The following TYR variants were observed in gnomAD, a reference collection of about 807,000 sequenced individuals.
The protein encoded by TYR is LB24-AB.
A neutral mutation model predicts 51.5 loss-of-function variants in TYR; 58 were observed. The observed-to-expected ratio is 1.13, with a 90% CI of 0.91 to 1.40. The LOEUF (loss-of-function observed/expected upper bound fraction) is 1.40. TYR is among the 40% of genes most tolerant of loss of function. TYR has a pLI of 0.00. For synonymous variants in TYR, 263 were observed against 235.2 expected (o/e 1.12, Z -1.08); for missense variants, 732 against 647.4 (o/e 1.13, Z -1.42).
At chr11:89,274,650 A>G (rs1415386973) in intron 3 of TYR, among the ~76,000 whole-genome samples, 6 of 151,986 alleles carry the variant, frequency 3.9e-5, no homozygotes, top group African/African-American at 1.4e-4. Flanking sequence ...ACAAAAATCA[A>G]TAACAGGAAT....
intron 4 of TYR, among the ~76,000 whole-genome samples, chr11:89,291,229 GTACC>G (rs1944849832): frequency 6.6e-6 from 1 of 151,842 alleles, no homozygotes; most frequent in South Asian, 2.1e-4. Flanking sequence ...TTCAGACACT[GTACC>G]AGATTCTAGA....
intron 3 of TYR, among the ~76,000 whole-genome samples, chr11:89,245,908 A>G (rs1397581980): frequency 2.8e-5 from 4 of 145,430 alleles, no homozygotes; most frequent in East Asian, 2.0e-4. Context: ...GCGACAGAGC[A>G]AGACTCCATC....
At chr11:89,200,992 A>T (rs1475577427) in intron 2 of TYR, among the ~76,000 whole-genome samples, 1 of 152,176 alleles carries the variant, frequency 6.6e-6, no homozygotes, top group Non-Finnish European at 1.5e-5. Flanking sequence ...TATTTTACCC[A>T]TTAGTGATTT....
intron 3 of TYR, among the ~76,000 whole-genome samples, chr11:89,236,492 A>G (rs1944115517): frequency 6.6e-6 from 1 of 152,162 alleles, no homozygotes; most frequent in Non-Finnish European, 1.5e-5. Flanking sequence ...ATAACTCAAA[A>G]ATATTAAGCA....
intron 3 of TYR, among the ~76,000 whole-genome samples, chr11:89,257,762 T>G (rs1352567157): frequency 2.6e-5 from 4 of 152,072 alleles, no homozygotes; most frequent in Non-Finnish European, 4.4e-5. Context: ...GCATTTCAGC[T>G]GGCCAACGCT....
At position 89,290,642 on chromosome 11, in the gene TYR, C is replaced by A. The variant is rs190504196; in HGVS notation, c.1367-4501C>A. On this transcript the variant is annotated intron_variant, in intron 4 of 4. Transcript: ENST00000263321. ...TATATAGTCCATGATGGCTCACCAA[C>A]AACCTGTCTGTATTCTAGCTAGTCA... Among the ~76,000 whole-genome samples, 88 of 152,070 alleles carry A rather than the reference C, an allele frequency of 5.8e-4. 1 individual carries two copies. Among genetic ancestry groups the A allele is most frequent in the African/African-American group, 2.0e-3 (85 of 41,534 alleles).
At chr11:89,226,092 G>C (rs367674939) in intron 2 of TYR, among the ~76,000 whole-genome samples, 2 of 152,144 alleles carry the variant, frequency 1.3e-5, no homozygotes, top group Admixed American at 6.6e-5. Context: ...AAGTGTGAGA[G>C]TTTTAAATTT....
Position 89,178,649 on chromosome 11 carries a change from T to C in TYR, c.696T>C (p.Thr232=), listed in dbSNP as rs1012308221. 6.2e-6 allele frequency: 10 copies of C among 1,613,164 alleles called. No individual in the cohort carries two copies. Among genetic ancestry groups the C allele is most frequent in the Non-Finnish European group, 8.5e-6 (10 of 1,179,358 alleles). Residue 232 remains threonine, a synonymous_variant, in exon 1 of 5, where the codon ACT becomes ACC. Coordinates refer to ENST00000263321, the MANE Select transcript of TYR (RefSeq NM_000372.5). ...IQKLTGDENF[T]IPYWDWRDAE... Reference sequence around the variant, plus strand: ...AGCTGACAGGAGATGAAAACTTCACTATTCCATATTGGGACTGGCGGGATG... The same window carrying C: ...AGCTGACAGGAGATGAAAACTTCACCATTCCATATTGGGACTGGCGGGATG...
intron 2 of TYR, among the ~76,000 whole-genome samples, chr11:89,204,465 C>G (rs1478967572): frequency 6.6e-6 from 1 of 151,808 alleles, no homozygotes; most frequent in Non-Finnish European, 1.5e-5. Flanking sequence ...GTGATCTCAG[C>G]CCACTGCAAC....
chr11:89,254,519 CAGGCTTTCTAATTCTTCCTGAT>C (rs1297192312), intron 3 of TYR, among the ~76,000 whole-genome samples: 3 of 151,676 alleles, frequency 2.0e-5, no homozygotes, highest in Admixed American at 2.0e-4. Context: ...TTGGTCTGTT[CAGGCTTTCTAATTCTTCCTGAT>C]TTAGTCTAGG....
intron 2 of TYR, among the ~76,000 whole-genome samples, chr11:89,203,279 A>G (rs1335370248): frequency 6.6e-6 from 1 of 152,048 alleles, no homozygotes; most frequent in Non-Finnish European, 1.5e-5. Flanking sequence ...AATTCATCTG[A>G]CTCCAAGGCT....
intron 2 of TYR, among the ~76,000 whole-genome samples, chr11:89,215,887 T>G (rs759407339): frequency 6.6e-6 from 1 of 152,190 alleles, no homozygotes; most frequent in Non-Finnish European, 1.5e-5. Context: ...AGATAATATT[T>G]CTGTTCTATC....
intron 2 of TYR, among the ~76,000 whole-genome samples, chr11:89,193,269 G>GGGAGA (rs1437969120): frequency 5.3e-5 from 8 of 152,054 alleles, no homozygotes; most frequent in Non-Finnish European, 1.2e-4. Flanking sequence ...TTATTATTAA[G>GGGAGA]AAGCATGGGT....
intron 2 of TYR, among the ~76,000 whole-genome samples, chr11:89,191,724 C>T (rs1463118999): frequency 6.6e-6 from 1 of 152,018 alleles, no homozygotes; most frequent in Non-Finnish European, 1.5e-5. Flanking sequence ...TGTGTCACTG[C>T]ATTCCAGCCT....
chr11:89,262,444 T>A, intron 3 of TYR, among the ~76,000 whole-genome samples: 1 of 148,344 alleles, frequency 6.7e-6, no homozygotes, highest in South Asian at 2.1e-4. Context: ...AACAAGAAAA[T>A]AAAAAATCAA....
intron 1 of TYR, among the ~76,000 whole-genome samples, chr11:89,182,867 A>G (rs1414981262): frequency 9.2e-6 from 1 of 108,864 alleles, no homozygotes; most frequent in Non-Finnish European, 1.8e-5. Context: ...AACAGAAACA[A>G]AGAGGAAAAA....
chr11:89,235,671 A>G (rs1944101433), intron 3 of TYR, among the ~76,000 whole-genome samples: 1 of 152,108 alleles, frequency 6.6e-6, no homozygotes, highest in Non-Finnish European at 1.5e-5. Context: ...GGTGATGTGC[A>G]GGAGTGGAAG....
At chr11:89,221,958 T>C (rs1274230899) in intron 2 of TYR, among the ~76,000 whole-genome samples, 1 of 152,236 alleles carries the variant, frequency 6.6e-6, no homozygotes, top group Non-Finnish European at 1.5e-5. Flanking sequence ...AAAGGAAAGA[T>C]ACGGAATTAT....
At chr11:89,218,164 C>T (rs7123206) in intron 2 of TYR, among the ~76,000 whole-genome samples, 26,067 of 151,996 alleles carry the variant, frequency 0.17, 2,677 homozygotes, top group African/African-American at 0.29. Context: ...AATTCAAAGC[C>T]ATCGTCAATC....
Sources: allele counts gnomAD v4.1 joint callset (sites outside exome capture counted in the v4.1 genomes callset), GRCh38; gene constraint gnomAD v4.1.1; transcripts MANE v1.5; gene names NCBI Gene and HGNC (gene_info 2026-07-23, HGNC 2026-07-21).